Variants in CMTM7 observed in about 807,000 individuals in gnomAD.
CMTM7 encodes CKLF-like MARVEL transmembrane domain-containing protein 7.
In CMTM7, 7 loss-of-function variants were observed where a neutral mutation model predicts 19.3. The ratio of observed to expected loss-of-function variants is 0.36; its 90% CI spans 0.21 to 0.68. The LOEUF (loss-of-function observed/expected upper bound fraction) is 0.68, where lower values mean the gene tolerates loss of function less well. Ranked by LOEUF, CMTM7 falls within the 30% of genes least tolerant of loss-of-function variation. The pLI, the probability that CMTM7 is intolerant of heterozygous loss-of-function variation, is 0.60. For synonymous variants in CMTM7, 87 were observed against 99.3 expected (o/e 0.88, Z 0.74); for missense variants, 193 against 232.6 (o/e 0.83, Z 1.11).
At chr3:32,438,145 T>G (rs1696624932) in intron 1 of CMTM7, among the ~76,000 whole-genome samples, 1 of 152,144 alleles carries the variant, frequency 6.6e-6, no homozygotes, top group Non-Finnish European at 1.5e-5. Context: ...TCAGGCGTGT[T>G]TGTGCATTTG....
chr3:32,421,271 C>T (rs1409385798), intron 1 of CMTM7, among the ~76,000 whole-genome samples: 1 of 152,168 alleles, frequency 6.6e-6, no homozygotes, highest in Non-Finnish European at 1.5e-5. Context: ...ACTGGCTCCC[C>T]ATCGCCCACC....
intron 1 of CMTM7, among the ~76,000 whole-genome samples, chr3:32,398,812 G>A (rs933386138): frequency 1.3e-5 from 2 of 151,790 alleles, no homozygotes; most frequent in Non-Finnish European, 2.9e-5. Flanking sequence ...GGTGAAACCC[G>A]GTCTCTACAA....
chr3:32,452,919 ATTTTTTTTTTTTT>A (rs368112448), intron 4 of CMTM7, among the ~76,000 whole-genome samples: 6 of 35,320 alleles, frequency 1.7e-4, no homozygotes, highest in Non-Finnish European at 2.5e-4. Context: ...CCTAATTTCA[ATTTTTTTTTTTTT>A]TTTTTTTTTT....
intron 1 of CMTM7, among the ~76,000 whole-genome samples, chr3:32,435,758 A>G (rs73066766): frequency 0.032 from 4,938 of 152,354 alleles, 122 homozygotes; most frequent in Middle Eastern, 0.054. Context: ...AGCCACTGCC[A>G]TACTGGGGAA....
intron 1 of CMTM7, among the ~76,000 whole-genome samples, chr3:32,404,161 T>TTTTTGGAGA (rs1696056079): frequency 1.4e-5 from 1 of 70,966 alleles, no homozygotes; most frequent in Admixed American, 1.5e-4. Context: ...TCTTTTTTTT[T>TTTTTGGAGA]CTTTTTTTTT....
At chr3:32,429,892 C>T (rs1696490014) in intron 1 of CMTM7, among the ~76,000 whole-genome samples, 1 of 152,176 alleles carries the variant, frequency 6.6e-6, no homozygotes, top group Admixed American at 6.5e-5. Context: ...AGCCACTGCG[C>T]CCAGCCGAGC....
chr3:32,398,768 G>C (rs534332145), intron 1 of CMTM7, among the ~76,000 whole-genome samples: 1 of 152,086 alleles, frequency 6.6e-6, no homozygotes, highest in South Asian at 2.1e-4. Flanking sequence ...CGGATGGCTT[G>C]AGCCCAGGAG....
At chr3:32,435,885 A>G (rs955995055) in intron 1 of CMTM7, among the ~76,000 whole-genome samples, 3 of 152,386 alleles carry the variant, frequency 2.0e-5, no homozygotes, top group South Asian at 2.1e-4. Flanking sequence ...TTCTTACAAT[A>G]TAAGAAAACA....
intron 1 of CMTM7, among the ~76,000 whole-genome samples, chr3:32,408,977 G>C (rs1489937474): frequency 6.6e-6 from 1 of 151,928 alleles, no homozygotes; most frequent in Non-Finnish European, 1.5e-5. Flanking sequence ...CCACCTCCCG[G>C]GTTCAAGCGG....
intron 4 of CMTM7, 70 bp downstream of exon 4, chr3:32,452,543 C>A: frequency 6.7e-7 from 1 of 1,488,374 alleles, no homozygotes. Context: ...TGACTTCAGC[C>A]ATAGGGACAA....
intron 2 of CMTM7, among the ~76,000 whole-genome samples, chr3:32,445,768 G>A (rs757520177): frequency 3.3e-5 from 5 of 151,832 alleles, no homozygotes; most frequent in Admixed American, 6.6e-5. Context: ...CTCCTTCCTC[G>A]GCCTCTGAAA....
At chr3:32,453,501 A>G (rs992223016) in intron 4 of CMTM7, among the ~76,000 whole-genome samples, 1 of 152,236 alleles carries the variant, frequency 6.6e-6, no homozygotes, top group Admixed American at 6.5e-5. Flanking sequence ...CGTGGGTTGC[A>G]GCATTAAGTC....
chr3:32,399,555 G>C (rs1695971095), intron 1 of CMTM7, among the ~76,000 whole-genome samples: 1 of 152,198 alleles, frequency 6.6e-6, no homozygotes, highest in Admixed American at 6.5e-5. Flanking sequence ...TAGGTGCCAA[G>C]TGGAATTCAG....
intron 1 of CMTM7, among the ~76,000 whole-genome samples, chr3:32,417,558 C>T (rs1696285955): frequency 6.6e-6 from 1 of 152,122 alleles, no homozygotes. Flanking sequence ...TGTAAGTTTC[C>T]ATTTTTCTTA....
At chr3:32,452,219 G>T in intron 3 of CMTM7, 173 bp from the exon 4 acceptor site, 1 of 1,515,428 alleles carries the variant, frequency 6.6e-7, no homozygotes, top group East Asian at 2.5e-5. Flanking sequence ...GGGCCTCGCG[G>T]GGCTTCCTCT....
At chr3:32,392,126 C>G in intron 1 of CMTM7, 61 bp downstream of exon 1, 1 of 1,176,710 alleles carries the variant, frequency 8.5e-7, no homozygotes, top group Non-Finnish European at 1.1e-6. Flanking sequence ...AGCAGGGGTC[C>G]GGGAGCGGAC....
intron 3 of CMTM7, chr3:32,450,855 A>G (rs1696818907): frequency 6.6e-6 from 1 of 152,194 alleles, no homozygotes; most frequent in South Asian, 2.1e-4. Flanking sequence ...CATTCATCAT[A>G]TGCTGTCTGT....
At chr3:32,434,601 CTTTTCTTTT>C (rs931836526) in intron 1 of CMTM7, among the ~76,000 whole-genome samples, 2 of 28,968 alleles carry the variant, frequency 6.9e-5, no homozygotes, top group African/African-American at 1.8e-4. Context: ...TGCCTCTTTT[CTTTTCTTTT>C]TTTTTTTTTT....
chr3:32,451,988 T>C, intron 3 of CMTM7: 8 of 963,926 alleles, frequency 8.3e-6, no homozygotes, highest in Middle Eastern at 2.4e-4. Flanking sequence ...ACAACGCCAC[T>C]ACACCACAAA....
Sources: allele counts gnomAD v4.1 joint callset (sites outside exome capture counted in the v4.1 genomes callset), GRCh38; gene constraint gnomAD v4.1.1; transcripts MANE v1.5; gene names NCBI Gene and HGNC (gene_info 2026-07-23, HGNC 2026-07-21).